PHLDB2: variants seen among roughly 807,000 people sequenced by gnomAD.
The protein encoded by PHLDB2 is pleckstrin homology like domain family B member 2, also known as pleckstrin homology-like domain family B member 2.
Under a neutral mutation model 123.6 loss-of-function variants are expected in PHLDB2, and 71 were observed. That is an observed-to-expected ratio of 0.57 (90% CI 0.47 to 0.70). PHLDB2 has a LOEUF of 0.70. PHLDB2 is among the 30% of genes least tolerant of loss of function. The pLI is 0.00. For missense variants in PHLDB2, 1,446 were observed against 1,519.5 expected (o/e 0.95, Z 0.80); for synonymous variants, 547 against 541.6 (o/e 1.01, Z -0.14).
intron 1 of PHLDB2, among the ~76,000 whole-genome samples, chr3:111,758,903 G>A (rs1295132240): frequency 6.6e-6 from 1 of 152,068 alleles, no homozygotes; most frequent in Non-Finnish European, 1.5e-5. Context: ...ACTAGATGCG[G>A]CACAGACAGA....
chr3:111,956,241 A>G (rs570702726), intron 12 of PHLDB2, among the ~76,000 whole-genome samples: 1 of 152,322 alleles, frequency 6.6e-6, no homozygotes, highest in Non-Finnish European at 1.5e-5. Context: ...AGTAAGAAAA[A>G]CTAGAACTTT....
At chr3:111,852,670 G>A (rs531645454) in intron 2 of PHLDB2, among the ~76,000 whole-genome samples, 13 of 151,844 alleles carry the variant, frequency 8.6e-5, no homozygotes, top group African/African-American at 2.4e-4. Context: ...AGCCCACTAC[G>A]CAGGCAAAGT....
rs141206975 is a variant in PHLDB2, at chr3:111,778,828, G to A, written c.-49+46125G>A. ...AGTGTTGTGTGGATATACATCAACA[G>A]AAACTGAAACTGAGGGATCACACTT... On this transcript the variant is annotated intron_variant, in intron 1 of 17. Coordinates refer to the PHLDB2 transcript ENST00000393923. 1.9e-3 allele frequency among the ~76,000 whole-genome samples: 282 copies of A among 152,178 alleles called. 1 individual carries two copies. Among genetic ancestry groups the A allele is most frequent in the African/African-American group, 6.5e-3 (269 of 41,530 alleles).
chr3:111,757,912 A>G (rs2059924307), intron 1 of PHLDB2, among the ~76,000 whole-genome samples: 1 of 152,178 alleles, frequency 6.6e-6, no homozygotes, highest in Non-Finnish European at 1.5e-5. Flanking sequence ...GCTGCAGAAG[A>G]GTGAATTTTC....
At chr3:111,859,101 C>G, upstream of PHLDB2, 1 of 908,968 alleles carries the variant, frequency 1.1e-6, no homozygotes, top group African/African-American at 1.8e-5. Context: ...TGCTTTCTGA[C>G]GCAGCTGGTA....
At chr3:111,739,290 C>T (rs1252672195) in intron 1 of PHLDB2, among the ~76,000 whole-genome samples, 1 of 152,110 alleles carries the variant, frequency 6.6e-6, no homozygotes, top group Non-Finnish European at 1.5e-5. Flanking sequence ...AAGAAGCCCA[C>T]TTGGCTGGGA....
chr3:111,769,749 T>C (rs6800922), intron 1 of PHLDB2, among the ~76,000 whole-genome samples: 28,831 of 152,128 alleles, frequency 0.19, 2,883 homozygotes, highest in African/African-American at 0.21. Flanking sequence ...CCTTAGAAAC[T>C]TTTCCTTTGA....
At chr3:111,816,638 C>T (rs1288046748) in intron 1 of PHLDB2, among the ~76,000 whole-genome samples, 1 of 152,146 alleles carries the variant, frequency 6.6e-6, no homozygotes, top group Non-Finnish European at 1.5e-5. Flanking sequence ...TTTACAGGCT[C>T]ATAGGCAGAA....
chr3:111,737,331 G>T (rs969272331), intron 1 of PHLDB2, among the ~76,000 whole-genome samples: 1 of 152,150 alleles, frequency 6.6e-6, no homozygotes, highest in Non-Finnish European at 1.5e-5. Flanking sequence ...GTGTTAGTGT[G>T]CATCCTCATC....
intron 10 of PHLDB2, among the ~76,000 whole-genome samples, chr3:111,952,009 G>A (rs949070295): frequency 6.6e-6 from 1 of 152,198 alleles, no homozygotes; most frequent in Non-Finnish European, 1.5e-5. Flanking sequence ...AGAGATTACT[G>A]TAGGGGCTCC....
chr3:111,966,694 C>G lies in PHLDB2; in HGVS notation c.3159C>G (p.Leu1053=), dbSNP rs1448449229. The G allele has an allele frequency of 6.8e-6, 11 of 1,612,178 alleles. No individual in the cohort carries two copies. The highest frequency in any genetic ancestry group is 2.7e-5 in the African/African-American group (2 of 74,766). ...KQAHAEKTRL[L]ESREREMEAK... ...CTCATGCAGAAAAGACGCGGCTGCT[C>G]GAATCCAGGGTAAGCTTCATATTTT... The change falls in exon 14 of 18, where the codon CTC becomes CTG. Residue 1053 remains leucine (L), a synonymous_variant. Transcript: ENST00000431670.
chr3:111,791,101 G>C (rs2060900471), intron 1 of PHLDB2, among the ~76,000 whole-genome samples: 2 of 152,132 alleles, frequency 1.3e-5, no homozygotes, highest in Admixed American at 6.6e-5. Flanking sequence ...TCAATATTTA[G>C]ATAGCTTCCA....
intron 2 of PHLDB2, among the ~76,000 whole-genome samples, chr3:111,895,133 A>G (rs2066754075): frequency 6.6e-6 from 1 of 152,208 alleles, no homozygotes; most frequent in Non-Finnish European, 1.5e-5. Context: ...GTGAGAAGGA[A>G]AAATTAGCAT....
At chr3:111,934,018 G>A (rs921268926) in intron 6 of PHLDB2, among the ~76,000 whole-genome samples, 2 of 152,118 alleles carry the variant, frequency 1.3e-5, no homozygotes, top group Admixed American at 1.3e-4. Flanking sequence ...GATTCTGTAG[G>A]ATAACTCATA....
At chr3:111,813,013 G>T (rs1040149402) in intron 1 of PHLDB2, among the ~76,000 whole-genome samples, 1 of 152,160 alleles carries the variant, frequency 6.6e-6, no homozygotes. Flanking sequence ...TAGAAGCTCC[G>T]CTAAAGAAGA....
intron 1 of PHLDB2, among the ~76,000 whole-genome samples, chr3:111,758,634 C>T (rs893106236): frequency 1.1e-4 from 17 of 152,204 alleles, no homozygotes; most frequent in Non-Finnish European, 1.8e-4. Context: ...CTGTCTGGCA[C>T]TCCCTAGTGA....
intron 1 of PHLDB2, among the ~76,000 whole-genome samples, chr3:111,733,615 T>C (rs1460924983): frequency 6.6e-6 from 1 of 152,198 alleles, no homozygotes; most frequent in Admixed American, 6.5e-5. Context: ...TGGAGGTCTA[T>C]GGGGAAGAAG....
chr3:111,955,217 G>T (rs114428289), intron 12 of PHLDB2, among the ~76,000 whole-genome samples: 1 of 150,864 alleles, frequency 6.6e-6, no homozygotes, highest in East Asian at 1.9e-4. Flanking sequence ...AAATTAGAGG[G>T]TATAGTATTC....
At chr3:111,745,206 T>A (rs1028960952) in intron 1 of PHLDB2, among the ~76,000 whole-genome samples, 1 of 152,168 alleles carries the variant, frequency 6.6e-6, no homozygotes, top group Admixed American at 6.6e-5. Context: ...CAATTATTAG[T>A]CATAAAAATT....
Sources: gnomAD v4.1 joint callset for allele counts (sites outside exome capture counted in the v4.1 genomes callset) on GRCh38, gnomAD v4.1.1 for gene constraint, MANE v1.5 for transcripts, NCBI Gene and HGNC (gene_info 2026-07-23, HGNC 2026-07-21) for gene names.